Variants in CDH1 observed in about 807,000 individuals in gnomAD.
The protein encoded by CDH1 is cadherin-1.
Under a neutral mutation model 84.5 loss-of-function variants are expected in CDH1, and 35 were observed. That is an observed-to-expected ratio of 0.41 (90% CI 0.32 to 0.55). The LOEUF (loss-of-function observed/expected upper bound fraction) is 0.55, where lower values mean the gene tolerates loss of function less well. Ranked by LOEUF, CDH1 falls within the 20% of genes least tolerant of loss-of-function variation. CDH1 has a pLI of 0.19. For missense variants in CDH1, 994 were observed against 1,126.6 expected (o/e 0.88, Z 1.68); for synonymous variants, 417 against 439.0 (o/e 0.95, Z 0.63).
chr16:68,817,819 G>T (rs1961020989), intron 10 of CDH1, among the ~76,000 whole-genome samples: 1 of 152,134 alleles, frequency 6.6e-6, no homozygotes, highest in Non-Finnish European at 1.5e-5. Flanking sequence ...CCAACGAAAG[G>T]CCATATTGGA....
chr16:68,816,089 C>T (rs1960980762), intron 10 of CDH1, among the ~76,000 whole-genome samples: 1 of 152,162 alleles, frequency 6.6e-6, no homozygotes, highest in African/African-American at 2.4e-5. Context: ...GTGATCTCTG[C>T]CTACTGCAGC....
intron 2 of CDH1, among the ~76,000 whole-genome samples, chr16:68,785,411 C>T (rs1218302982): frequency 1.3e-5 from 2 of 152,128 alleles, no homozygotes; most frequent in Non-Finnish European, 2.9e-5. Context: ...AGGCTGGTCT[C>T]CAACTCCTGA....
At chr16:68,752,192 TC>T (rs1192074058) in intron 2 of CDH1, among the ~76,000 whole-genome samples, 1 of 152,154 alleles carries the variant, frequency 6.6e-6, no homozygotes, top group African/African-American at 2.4e-5. Flanking sequence ...CCTCAGGTGA[TC>T]CACCCGCCTT....
intron 2 of CDH1, among the ~76,000 whole-genome samples, chr16:68,771,371 C>T (rs1429031806): frequency 6.6e-6 from 1 of 152,116 alleles, no homozygotes; most frequent in Admixed American, 6.6e-5. Flanking sequence ...GCTGTAGTCT[C>T]GAACTCCTAG....
At chr16:68,777,670 A>C (rs1486439527) in intron 2 of CDH1, among the ~76,000 whole-genome samples, 1 of 149,706 alleles carries the variant, frequency 6.7e-6, no homozygotes, top group African/African-American at 2.5e-5. Context: ...CAGCCTCCTG[A>C]GTGGCTTGAC....
chr16:68,809,878 A>T (rs540038054), intron 5 of CDH1, among the ~76,000 whole-genome samples: 1 of 152,146 alleles, frequency 6.6e-6, no homozygotes, highest in South Asian at 2.1e-4. Flanking sequence ...GCTAGACTAA[A>T]AGGACCAGAG....
intron 2 of CDH1, among the ~76,000 whole-genome samples, chr16:68,760,030 C>A (rs909663745): frequency 1.3e-5 from 2 of 150,278 alleles, no homozygotes; most frequent in Non-Finnish European, 3.0e-5. Context: ...TTTTAAAATT[C>A]TAGTTTTCCA....
intron 2 of CDH1, among the ~76,000 whole-genome samples, chr16:68,784,707 A>T (rs1463563502): frequency 6.6e-6 from 1 of 151,722 alleles, no homozygotes; most frequent in Non-Finnish European, 1.5e-5. Context: ...ATGCCTTTGG[A>T]TCCTCATAGC....
At chr16:68,806,120 G>A (rs1457138301) in intron 3 of CDH1, among the ~76,000 whole-genome samples, 2 of 123,896 alleles carry the variant, frequency 1.6e-5, no homozygotes, top group Non-Finnish European at 3.3e-5. Context: ...GCTAATTTTT[G>A]TATATTTATT....
intron 2 of CDH1, among the ~76,000 whole-genome samples, chr16:68,756,016 G>C (rs1053250842): frequency 6.6e-6 from 1 of 151,900 alleles, no homozygotes; most frequent in South Asian, 2.1e-4. Flanking sequence ...AGCCCTCCTC[G>C]GCCTCCCAAA....
chr16:68,792,217 G>A (rs1400322117), intron 2 of CDH1, among the ~76,000 whole-genome samples: 2 of 144,194 alleles, frequency 1.4e-5, no homozygotes, highest in Non-Finnish European at 3.0e-5. Context: ...CACCACACCC[G>A]GCCTAAACAC....
At chr16:68,813,886 C>T (rs993002754) in intron 9 of CDH1, among the ~76,000 whole-genome samples, 3 of 150,590 alleles carry the variant, frequency 2.0e-5, no homozygotes, top group Admixed American at 2.0e-4. Context: ...GAGCCAAGAT[C>T]GTGCCATTGC....
Position 68,833,308 on chromosome 16 carries a change from A to G in CDH1, c.2458A>G (p.Thr820Ala), listed in dbSNP as rs878854685. 1 of 1,614,014 alleles carries G rather than the reference A, an allele frequency of 6.2e-7. No homozygotes were observed. Among genetic ancestry groups the G allele is most frequent in the Non-Finnish European group, 8.5e-7 (1 of 1,179,992 alleles). Residue 820 changes from threonine to alanine, a missense_variant, in exon 16 of 16, where the codon ACT (threonine) becomes GCT (alanine). Transcript: ENST00000261769. ...FIDENLKAAD[T>A]DPTAPPYDSL... is the part of the protein sequence containing the mutation. Reference sequence around the variant, plus strand: ...TCTTTAGAATCTGAAAGCGGCTGATACTGACCCCACAGCCCCGCCTTATGA... The same window carrying G: ...TCTTTAGAATCTGAAAGCGGCTGATGCTGACCCCACAGCCCCGCCTTATGA...
At chr16:68,809,550 G>T (rs995880706) in intron 5 of CDH1, among the ~76,000 whole-genome samples, 2 of 151,654 alleles carry the variant, frequency 1.3e-5, no homozygotes, top group East Asian at 3.9e-4. Context: ...TTTTGAGACC[G>T]AGTCTACCTG....
intron 3 of CDH1, among the ~76,000 whole-genome samples, chr16:68,803,121 C>T (rs191530885): frequency 1.4e-4 from 22 of 152,232 alleles, no homozygotes; most frequent in Admixed American, 4.6e-4. Context: ...CTGCTTTGGA[C>T]GTGTGGAATA....
At chr16:68,757,965 A>ATT (rs1315480707) in intron 2 of CDH1, among the ~76,000 whole-genome samples, 5 of 90,526 alleles carry the variant, frequency 5.5e-5, no homozygotes, top group Non-Finnish European at 1.2e-4. Flanking sequence ...CTCCAGGCTA[A>ATT]TCTTTTTTTT....
At chr16:68,758,972 T>A (rs1444156332) in intron 2 of CDH1, among the ~76,000 whole-genome samples, 1 of 152,018 alleles carries the variant, frequency 6.6e-6, no homozygotes, top group African/African-American at 2.4e-5. Context: ...ATTTTTTCTA[T>A]TTTTAGAGAG....
intron 2 of CDH1, among the ~76,000 whole-genome samples, chr16:68,766,886 C>T (rs951218844): frequency 2.0e-5 from 3 of 151,966 alleles, no homozygotes; most frequent in African/African-American, 4.8e-5. Flanking sequence ...CACCATCACG[C>T]CCGGCTGATT....
chr16:68,823,186 C>T (rs1961215067), intron 12 of CDH1: 1 of 549,392 alleles, frequency 1.8e-6, no homozygotes, highest in Non-Finnish European at 3.2e-6. Context: ...TAAACCAACT[C>T]TAGAGCCCTC....
Sources: gnomAD v4.1 joint callset for allele counts (sites outside exome capture counted in the v4.1 genomes callset) on GRCh38, gnomAD v4.1.1 for gene constraint, MANE v1.5 for transcripts, NCBI Gene and HGNC (gene_info 2026-07-23, HGNC 2026-07-21) for gene names.